CMPK1: variants seen among roughly 807,000 people sequenced by gnomAD.
The protein encoded by CMPK1 is UMP-CMP kinase.
In CMPK1, 10 loss-of-function variants were observed where a neutral mutation model predicts 25.7. The observed-to-expected ratio is 0.39, with a 90% CI of 0.24 to 0.66. CMPK1 has a LOEUF of 0.66. Ranked by LOEUF, CMPK1 falls within the 30% of genes least tolerant of loss-of-function variation. The probability of loss-of-function intolerance (pLI) is 0.48; values close to 1 mark genes in which losing one functional copy is unlikely to be tolerated. For synonymous variants in CMPK1, 106 were observed against 101.5 expected, an observed-to-expected ratio of 1.04 and a Z score of -0.27; for missense variants, 199 against 280.5, an observed-to-expected ratio of 0.71 and a Z score of 2.08.
chr1:47,337,404 A>G (rs1362821273), intron 1 of CMPK1, among the ~76,000 whole-genome samples: 1 of 152,228 alleles, frequency 6.6e-6, no homozygotes, highest in Non-Finnish European at 1.5e-5. Context: ...TATCAGTTAC[A>G]AGATTCCATG....
intron 1 of CMPK1, among the ~76,000 whole-genome samples, chr1:47,366,923 G>A (rs3125647): frequency 0.42 from 63,622 of 151,836 alleles, 15,403 homozygotes; most frequent in South Asian, 0.55. Context: ...ACAGGGTTTC[G>A]CCATGTTGGC....
At chr1:47,369,397 G>A (rs985070459) in intron 2 of CMPK1, among the ~76,000 whole-genome samples, 1 of 152,208 alleles carries the variant, frequency 6.6e-6, no homozygotes, top group African/African-American at 2.4e-5. Context: ...AAAGCGGACA[G>A]TGGCAAGGAT....
intron 2 of CMPK1, among the ~76,000 whole-genome samples, chr1:47,372,168 A>C (rs1232786697): frequency 3.4e-5 from 5 of 147,110 alleles, no homozygotes; most frequent in African/African-American, 7.6e-5. Context: ...ATCTCGGCTT[A>C]CTGAAACCTC....
At chr1:47,356,556 C>T (rs1445761475) in intron 1 of CMPK1, among the ~76,000 whole-genome samples, 1 of 151,834 alleles carries the variant, frequency 6.6e-6, no homozygotes, top group East Asian at 1.9e-4. Context: ...ACCAAAAAGA[C>T]AAATGCCAAT....
intron 2 of CMPK1, among the ~76,000 whole-genome samples, chr1:47,372,212 C>T (rs1646681943): frequency 6.6e-6 from 1 of 152,016 alleles, no homozygotes; most frequent in Non-Finnish European, 1.5e-5. Context: ...TCTGCCTCAG[C>T]CTCCCCAGTA....
At chr1:47,374,121 T>C (rs1383131533) in intron 3 of CMPK1, among the ~76,000 whole-genome samples, 1 of 152,192 alleles carries the variant, frequency 6.6e-6, no homozygotes, top group Non-Finnish European at 1.5e-5. Flanking sequence ...TGGAGTACAG[T>C]GGCACGATCT....
chr1:47,350,951 C>T (rs550810041), intron 1 of CMPK1, among the ~76,000 whole-genome samples: 2 of 152,018 alleles, frequency 1.3e-5, no homozygotes, highest in African/African-American at 2.4e-5. Context: ...AGATCCCCCA[C>T]CCTTCCCTAG....
intron 1 of CMPK1, among the ~76,000 whole-genome samples, chr1:47,334,727 C>T (rs894837069): frequency 3.3e-5 from 5 of 152,112 alleles, no homozygotes; most frequent in Non-Finnish European, 5.9e-5. Context: ...CCCTGAGGCT[C>T]GGCCCGGGTC....
chr1:47,350,002 C>T (rs12566521), intron 1 of CMPK1, among the ~76,000 whole-genome samples: 26,884 of 152,086 alleles, frequency 0.18, 2,997 homozygotes, highest in East Asian at 0.53. Flanking sequence ...GATGGAGTTT[C>T]GCCATGTTGG....
intron 1 of CMPK1, among the ~76,000 whole-genome samples, chr1:47,347,664 C>G (rs952793258): frequency 3.3e-5 from 5 of 150,910 alleles, no homozygotes; most frequent in African/African-American, 1.2e-4. Flanking sequence ...GTCACTCTGT[C>G]ATCCAGGCTG....
intron 1 of CMPK1, among the ~76,000 whole-genome samples, chr1:47,353,332 A>C (rs1206994996): frequency 6.6e-6 from 1 of 152,204 alleles, no homozygotes; most frequent in African/African-American, 2.4e-5. Context: ...CTAGGCTATA[A>C]AACTGGACTG....
At chr1:47,369,907 CTCTTT>C (rs1475327580) in intron 2 of CMPK1, among the ~76,000 whole-genome samples, 7 of 90,304 alleles carry the variant, frequency 7.8e-5, no homozygotes, top group African/African-American at 1.4e-4. Flanking sequence ...TTCTTTCTCT[CTCTTT>C]TTTTTTTTTT....
At chr1:47,370,134 G>A (rs1486627494) in intron 2 of CMPK1, among the ~76,000 whole-genome samples, 1 of 149,812 alleles carries the variant, frequency 6.7e-6, no homozygotes, top group African/African-American at 2.5e-5. Flanking sequence ...AGCCAGGATG[G>A]TCTCCATCTC....
At chr1:47,352,879 A>T (rs773121778) in intron 1 of CMPK1, among the ~76,000 whole-genome samples, 1 of 152,162 alleles carries the variant, frequency 6.6e-6, no homozygotes, top group Non-Finnish European at 1.5e-5. Context: ...AAAATGTATT[A>T]TCACTAAACT....
intron 1 of CMPK1, among the ~76,000 whole-genome samples, chr1:47,343,449 A>C (rs187523284): frequency 6.6e-6 from 1 of 151,340 alleles, no homozygotes; most frequent in Non-Finnish European, 1.5e-5. Flanking sequence ...AGGACGTCGT[A>C]GTGAGCCAAG....
At chr1:47,337,013 AGTAGCTCACGCCT>A (rs1183222524) in intron 1 of CMPK1, among the ~76,000 whole-genome samples, 1 of 152,232 alleles carries the variant, frequency 6.6e-6, no homozygotes, top group Non-Finnish European at 1.5e-5. Context: ...GGCTGGGCGC[AGTAGCTCACGCCT>A]GTAATCCCAG....
intron 2 of CMPK1, 40 bp from the exon 3 acceptor site, chr1:47,372,915 G>C: frequency 1.3e-6 from 2 of 1,538,246 alleles, no homozygotes; most frequent in Non-Finnish European, 1.7e-6. Flanking sequence ...ATTTCATTTT[G>C]TTAATGTTGT....
At position 47,368,466 on chromosome 1, in the gene CMPK1, C is replaced by T. The variant is rs72553945; in HGVS notation, c.172-3C>T. 210 of 1,591,752 alleles carry T rather than the reference C, an allele frequency of 1.3e-4. No homozygotes were observed. The African/African-American group carries it at 2.6e-3, about 20-fold the overall frequency. On this transcript the variant is annotated splice_region_variant and splice_polypyrimidine_tract_variant and intron_variant, in intron 1 of 5. Coordinates refer to ENST00000371873, the MANE Select transcript of CMPK1 (RefSeq NM_016308.3). ...ATATTTTTCCTATGTGTGCTTCTTT[C>T]AGAAATATGGCTACACACACCTTTC...
At chr1:47,351,745 A>AT (rs1040919519) in intron 1 of CMPK1, among the ~76,000 whole-genome samples, 13 of 151,650 alleles carry the variant, frequency 8.6e-5, no homozygotes, top group South Asian at 4.2e-4. Flanking sequence ...ACCAATGTTT[A>AT]TTTTTTTTGT....
Sources: allele counts gnomAD v4.1 joint callset (sites outside exome capture counted in the v4.1 genomes callset), GRCh38; gene constraint gnomAD v4.1.1; transcripts MANE v1.5; gene names NCBI Gene and HGNC (gene_info 2026-07-23, HGNC 2026-07-21).